The following PTPRD variants were observed in gnomAD, a reference collection of about 807,000 sequenced individuals.
PTPRD encodes protein tyrosine phosphatase receptor type D.
PTPRD carries 34 observed loss-of-function variants against 214.5 expected under a neutral mutation model. That is an observed-to-expected ratio of 0.16 (90% CI 0.12 to 0.21). The LOEUF (loss-of-function observed/expected upper bound fraction) is 0.21. Among genes scored for constraint, PTPRD ranks in the 10% least tolerant of loss-of-function variants. PTPRD has a pLI of 1.00. For synonymous variants in PTPRD, 1,128 were observed against 845.7 expected (o/e 1.33, Z -5.79); for missense variants, 2,545 against 2,398.7 (o/e 1.06, Z -1.27).
At chr9:10,289,164 A>C (rs1365827156) in intron 3 of PTPRD, among the ~76,000 whole-genome samples, 2 of 152,182 alleles carry the variant, frequency 1.3e-5, no homozygotes, top group Non-Finnish European at 2.9e-5. Flanking sequence ...TCTAGAAATG[A>C]GGTAGGTTAT....
chr9:10,546,191 T>C (rs76059795), intron 2 of PTPRD, among the ~76,000 whole-genome samples: 10,452 of 150,394 alleles, frequency 0.069, 373 homozygotes, highest in South Asian at 0.097. Context: ...ACAAATTACA[T>C]GTGCATGTAT....
chr9:9,409,883 A>G (rs1364259974), intron 8 of PTPRD, among the ~76,000 whole-genome samples: 4 of 151,924 alleles, frequency 2.6e-5, no homozygotes, highest in Non-Finnish European at 5.9e-5. Context: ...ACAGATAACG[A>G]TAAGAAACTT....
chr9:10,187,670 C>T (rs755534772), intron 3 of PTPRD, among the ~76,000 whole-genome samples: 1 of 152,186 alleles, frequency 6.6e-6, no homozygotes, highest in East Asian at 1.9e-4. Flanking sequence ...GGAAAATCTG[C>T]CCTGGGGGGC....
intron 2 of PTPRD, among the ~76,000 whole-genome samples, chr9:10,428,781 G>C (rs2098649541): frequency 6.6e-6 from 1 of 152,060 alleles, no homozygotes; most frequent in South Asian, 2.1e-4. Flanking sequence ...GTATTTGTGA[G>C]GGGAATATAG....
chr9:9,001,730 A>G (rs1014234589), intron 11 of PTPRD, among the ~76,000 whole-genome samples: 3 of 152,020 alleles, frequency 2.0e-5, no homozygotes, highest in African/African-American at 4.8e-5. Context: ...TGAGTGACTT[A>G]CAAATCAACT....
At chr9:8,446,785 C>G (rs372487527) in intron 34 of PTPRD, among the ~76,000 whole-genome samples, 1 of 152,112 alleles carries the variant, frequency 6.6e-6, no homozygotes. Context: ...CATGCAACAC[C>G]TAATGAAGGA....
At chr9:10,156,433 A>G (rs1300867092) in intron 3 of PTPRD, among the ~76,000 whole-genome samples, 4 of 151,974 alleles carry the variant, frequency 2.6e-5, no homozygotes, top group African/African-American at 9.7e-5. Context: ...TTTCTATGTA[A>G]CTATGAGGTT....
At chr9:10,121,857 C>T (rs1287224944) in intron 3 of PTPRD, among the ~76,000 whole-genome samples, 1 of 152,114 alleles carries the variant, frequency 6.6e-6, no homozygotes, top group Non-Finnish European at 1.5e-5. Flanking sequence ...GTGTGACATT[C>T]TCTACTGTTA....
At chr9:9,653,791 T>G (rs2096439230) in intron 7 of PTPRD, among the ~76,000 whole-genome samples, 1 of 152,332 alleles carries the variant, frequency 6.6e-6, no homozygotes, top group Non-Finnish European at 1.5e-5. Flanking sequence ...GGGATTTGGC[T>G]TTGATGGACT....
intron 3 of PTPRD, among the ~76,000 whole-genome samples, chr9:10,294,442 CA>C (rs2095617365): frequency 6.6e-6 from 1 of 151,866 alleles, no homozygotes; most frequent in South Asian, 2.1e-4. Flanking sequence ...GTGCTTTCCA[CA>C]ATTTGGACAA....
intron 11 of PTPRD, among the ~76,000 whole-genome samples, chr9:8,934,456 TATATATAA>T (rs1567098587): frequency 0.29 from 9,237 of 31,526 alleles, 1,507 homozygotes; most frequent in Middle Eastern, 0.45. Context: ...TAAATTTATA[TATATATAA>T]ATATATATAT....
intron 8 of PTPRD, among the ~76,000 whole-genome samples, chr9:9,443,059 A>G (rs1480761940): frequency 1.3e-5 from 2 of 152,188 alleles, no homozygotes; most frequent in African/African-American, 4.8e-5. Context: ...AATGTGCCAC[A>G]AGTAGAATTA....
chr9:9,652,201 C>G (rs1330566912), intron 7 of PTPRD, among the ~76,000 whole-genome samples: 1 of 152,018 alleles, frequency 6.6e-6, no homozygotes, highest in Non-Finnish European at 1.5e-5. Flanking sequence ...TGCTCTATTA[C>G]CAGTGTATCC....
intron 3 of PTPRD, among the ~76,000 whole-genome samples, chr9:10,250,188 A>T (rs971324150): frequency 3.9e-5 from 6 of 152,142 alleles, no homozygotes; most frequent in Admixed American, 2.0e-4. Context: ...TAACTTTAGG[A>T]GGCGGGAAAT....
At chr9:9,186,916 T>C (rs1371291160) in intron 9 of PTPRD, among the ~76,000 whole-genome samples, 1 of 151,924 alleles carries the variant, frequency 6.6e-6, no homozygotes, top group East Asian at 1.9e-4. Flanking sequence ...TTAGAATAAT[T>C]TTTTTATATT....
At chr9:8,987,623 T>C (rs866422054) in intron 11 of PTPRD, among the ~76,000 whole-genome samples, 3 of 152,200 alleles carry the variant, frequency 2.0e-5, no homozygotes, top group South Asian at 4.1e-4. Flanking sequence ...TTTATGTATG[T>C]GTGTGCTTAT....
At chr9:8,969,782 A>T (rs913525414) in intron 11 of PTPRD, among the ~76,000 whole-genome samples, 1 of 151,940 alleles carries the variant, frequency 6.6e-6, no homozygotes, top group Admixed American at 6.6e-5. Flanking sequence ...CTTTGCCCCT[A>T]GGGTCAAGAA....
At chr9:8,623,539 C>G (rs1222136113) in intron 14 of PTPRD, among the ~76,000 whole-genome samples, 1 of 151,822 alleles carries the variant, frequency 6.6e-6, no homozygotes, top group Non-Finnish European at 1.5e-5. Context: ...TCCCTTTAAT[C>G]AAATAATTTG....
chr9:10,540,808 T>C (rs551626856), intron 2 of PTPRD, among the ~76,000 whole-genome samples: 1 of 152,098 alleles, frequency 6.6e-6, no homozygotes, highest in South Asian at 2.1e-4. Flanking sequence ...AGACTCAGAC[T>C]AGAACTTAAT....
Sources: allele counts gnomAD v4.1 joint callset (sites outside exome capture counted in the v4.1 genomes callset), GRCh38; gene constraint gnomAD v4.1.1; transcripts MANE v1.5; gene names NCBI Gene and HGNC (gene_info 2026-07-23, HGNC 2026-07-21).